OTOP1: variants seen among roughly 807,000 people sequenced by gnomAD.
OTOP1 encodes the protein proton channel OTOP1.
A neutral mutation model predicts 52.9 loss-of-function variants in OTOP1; 59 were observed. That is an observed-to-expected ratio of 1.12 (90% CI 0.91 to 1.39). The LOEUF is 1.39. OTOP1 is among the 40% of genes most tolerant of loss of function. OTOP1 has a pLI of 0.00. For synonymous variants in OTOP1, 317 were observed against 337.7 expected (o/e 0.94, Z 0.67); for missense variants, 761 against 800.9 (o/e 0.95, Z 0.60).
intron 1 of OTOP1, among the ~76,000 whole-genome samples, chr4:4,219,077 G>A (rs545475496): frequency 2.6e-4 from 40 of 151,616 alleles, no homozygotes; most frequent in Middle Eastern, 3.4e-3. Flanking sequence ...AAATAGGAAC[G>A]TAAAATGTAT....
Position 4,197,306 on chromosome 4 carries a change from C to T in OTOP1, c.1528G>A (p.Asp510Asn). 1 of 1,614,130 alleles carries T rather than the reference C, an allele frequency of 6.2e-7. No individual in the cohort carries two copies. The highest frequency in any genetic ancestry group is 8.5e-7 in the Non-Finnish European group (1 of 1,180,022). Residue 510 changes from aspartate to asparagine, a missense_variant, in exon 5 of 6, where the codon GAC becomes AAC. By Grantham distance (23) the Asp-to-Asn change is conservative. Around this residue, in one of 3 missense-constraint regions of OTOP1, gnomAD observed 632 missense variants for 619.5 expected, o/e 1.02. Transcript: ENST00000296358. ...NGNVCMRESH[D>N]KEEEKQEESS... ...TCCTCCTGCTTCTCCTCCTCCTTGTCATGGCTTTCTCTCATGCACACATTT... is the reference window on the plus strand; with the variant it reads ...TCCTCCTGCTTCTCCTCCTCCTTGTTATGGCTTTCTCTCATGCACACATTT...
chr4:4,193,647 C>G (rs1004916832), intron 5 of OTOP1, among the ~76,000 whole-genome samples: 2 of 152,184 alleles, frequency 1.3e-5, no homozygotes, highest in South Asian at 4.1e-4. Context: ...CCCCCAGAAC[C>G]CAACCAGTGC....
intron 5 of OTOP1, among the ~76,000 whole-genome samples, chr4:4,192,491 C>T (rs1022597754): frequency 6.6e-6 from 1 of 152,190 alleles, no homozygotes; most frequent in Non-Finnish European, 1.5e-5. Context: ...TGGGGTAGTT[C>T]ATTGCATGGC....
intron 3 of OTOP1, among the ~76,000 whole-genome samples, chr4:4,205,663 C>T (rs1219505731): frequency 1.3e-5 from 2 of 152,212 alleles, no homozygotes; most frequent in African/African-American, 4.8e-5. Flanking sequence ...ATCATGGGCA[C>T]ACAGCAAGTG....
At chr4:4,198,196 G>C (rs766663258) in intron 4 of OTOP1, 93 bp from the exon 5 acceptor site, 110 of 1,067,028 alleles carry the variant, frequency 1.0e-4, no homozygotes, top group Non-Finnish European at 1.4e-4. Context: ...GTGGATTCAG[G>C]CTTGGGTCTT....
chr4:4,202,982 A>G (rs1273465620), intron 3 of OTOP1, among the ~76,000 whole-genome samples: 1 of 152,230 alleles, frequency 6.6e-6, no homozygotes, highest in Non-Finnish European at 1.5e-5. Flanking sequence ...TACCACTGGA[A>G]ATCTGGAGAG....
rs554101974 is a variant in OTOP1 at position 4,204,617 on chromosome 4, G to C, written c.599+1455C>G. Reference sequence around the variant, plus strand: ...GGCAGACGTCATTTTCTCATGCCAGGCTGCCTTTCTCATCACTGGATTTGA... The same window carrying C: ...GGCAGACGTCATTTTCTCATGCCAGCCTGCCTTTCTCATCACTGGATTTGA... On this transcript the variant is annotated intron_variant, in intron 3 of 5. Coordinates refer to ENST00000296358, the MANE Select transcript of OTOP1 (RefSeq NM_177998.3). Among the ~76,000 whole-genome samples the C allele has an allele frequency of 1.2e-4, 18 of 152,170 alleles. No homozygotes were observed. In the South Asian group the frequency reaches 3.7e-3, roughly 32 times the overall value.
intron 1 of OTOP1, among the ~76,000 whole-genome samples, chr4:4,215,550 C>T (rs13112949): frequency 0.33 from 49,386 of 151,674 alleles, 8,264 homozygotes; most frequent in South Asian, 0.46. Context: ...AATCCTGCTA[C>T]ATGGGAGGCT....
At chr4:4,192,307 C>T (rs1166004414) in intron 5 of OTOP1, among the ~76,000 whole-genome samples, 2 of 152,144 alleles carry the variant, frequency 1.3e-5, no homozygotes, top group Non-Finnish European at 2.9e-5. Context: ...GCCACCCCCA[C>T]CCAAGGCACC....
At chr4:4,212,769 T>G in intron 2 of OTOP1, 99 bp downstream of exon 2, 1 of 1,365,886 alleles carries the variant, frequency 7.3e-7, no homozygotes, top group South Asian at 1.3e-5. Context: ...CTGTGCACAC[T>G]GTCTCCACCT....
intron 5 of OTOP1, among the ~76,000 whole-genome samples, chr4:4,190,250 A>C (rs1452305646): frequency 6.6e-6 from 1 of 152,208 alleles, no homozygotes; most frequent in Non-Finnish European, 1.5e-5. Flanking sequence ...AGGCAGGTGG[A>C]TCACCTGAGG....
intron 3 of OTOP1, among the ~76,000 whole-genome samples, chr4:4,202,870 A>G (rs188516876): frequency 7.2e-5 from 11 of 152,370 alleles, no homozygotes; most frequent in South Asian, 2.1e-4. Flanking sequence ...AGCTAGAGGG[A>G]TGAAAATTTA....
rs961756762 is a variant in OTOP1 at position 4,226,723 on chromosome 4, C to T, written c.142G>A (p.Gly48Ser). The change falls in exon 1 of 6, where the codon GGT (glycine) becomes AGT (serine). Residue 48 changes from glycine to serine, a missense_variant. Physicochemically the swap from Gly to Ser is moderately conservative, Grantham distance 56. Coordinates refer to ENST00000296358, the MANE Select transcript of OTOP1 (RefSeq NM_177998.3). ...TTCTGTGGGACGCTGGCGCGCACAC[C>T]GCCCCGCCGGGGGGCCGGGGATTCC... The part of the protein sequence containing the change: ...SPESPAPRRG[G>S]VRASVPQKLA... The T allele has an allele frequency of 2.8e-6, 4 of 1,406,214 alleles. No individual in the cohort carries two copies. The African/African-American group carries it at 4.5e-5, about 16-fold the overall frequency. 87.1% of individuals were successfully genotyped at this position (1,406,214 alleles called of 1,614,324 possible).
intron 4 of OTOP1, among the ~76,000 whole-genome samples, chr4:4,201,155 G>C (rs1178668103): frequency 8.5e-5 from 13 of 152,136 alleles, no homozygotes; most frequent in African/African-American, 3.1e-4. Flanking sequence ...GAGGCCAGGC[G>C]CAGTGGCTCA....
intron 1 of OTOP1, among the ~76,000 whole-genome samples, chr4:4,224,429 A>G (rs1476327985): frequency 2.6e-5 from 4 of 151,604 alleles, no homozygotes; most frequent in Admixed American, 6.6e-5. Flanking sequence ...AAAGGAAAGG[A>G]GAAGGAGGGA....
At chr4:4,202,334 G>A in intron 4 of OTOP1, 114 bp downstream of exon 4, 2 of 1,444,082 alleles carry the variant, frequency 1.4e-6, no homozygotes, top group Admixed American at 1.8e-5. Context: ...TGCTGAGTTG[G>A]GTGGCCCTGC....
intron 4 of OTOP1, among the ~76,000 whole-genome samples, chr4:4,201,469 T>TAC (rs564159690): frequency 0.076 from 10,484 of 137,562 alleles, 474 homozygotes; most frequent in Middle Eastern, 0.19. Context: ...AATATATATA[T>TAC]ATACACACAC....
At chr4:4,212,357 G>A (rs1475128107) in intron 2 of OTOP1, among the ~76,000 whole-genome samples, 3 of 152,112 alleles carry the variant, frequency 2.0e-5, no homozygotes, top group African/African-American at 7.2e-5. Context: ...ATCCCCAAAC[G>A]AGAAAACAAA....
intron 3 of OTOP1, among the ~76,000 whole-genome samples, chr4:4,205,756 T>C (rs1009421730): frequency 6.6e-6 from 1 of 152,122 alleles, no homozygotes; most frequent in African/African-American, 2.4e-5. Context: ...TTATGACGGT[T>C]AAAAAAAGAA....
Sources: allele counts gnomAD v4.1 joint callset (sites outside exome capture counted in the v4.1 genomes callset), GRCh38; gene constraint gnomAD v4.1.1; regional missense constraint gnomAD v4.1.1; transcripts MANE v1.5; gene names NCBI Gene and HGNC (gene_info 2026-07-23, HGNC 2026-07-21).